Variants in PCLO observed in about 807,000 individuals in gnomAD.
The protein encoded by PCLO is piccolo presynaptic cytomatrix protein, also known as protein piccolo.
Under a neutral mutation model 427.5 loss-of-function variants are expected in PCLO, and 82 were observed. The observed-to-expected ratio is 0.19, with a 90% CI of 0.16 to 0.23. PCLO has a LOEUF of 0.23. Ranked by LOEUF, PCLO falls within the 10% of genes least tolerant of loss-of-function variation. The pLI is 1.00. For synonymous variants in PCLO, 2,357 were observed against 2,155.4 expected (o/e 1.09, Z -2.59); for missense variants, 6,239 against 6,115.9 (o/e 1.02, Z -0.67).
At position 82,975,497 on chromosome 7, in the gene PCLO, T is replaced by C. The variant is rs191911844; in HGVS notation, c.3301-9010A>G. Among the ~76,000 whole-genome samples the C allele has an allele frequency of 7.0e-3, 1,058 of 152,204 alleles. 9 individuals carry two copies. The highest frequency in any genetic ancestry group is 0.011 in the Non-Finnish European group (779 of 68,008). ...CTAGATAATGCAGAATGGATACTGGTGGTGGGAGAGATTGGTTAGGTGTTA... is the reference window on the plus strand; with the variant it reads ...CTAGATAATGCAGAATGGATACTGGCGGTGGGAGAGATTGGTTAGGTGTTA... On this transcript the variant is annotated intron_variant, in intron 3 of 24. Transcript: ENST00000333891.
chr7:83,103,245 G>A lies in PCLO; in HGVS notation c.3300+31005C>T, dbSNP rs576466958. Among the ~76,000 whole-genome samples the A allele has an allele frequency of 1.7e-3, 255 of 151,886 alleles. 1 individual carries two copies. The highest frequency in any genetic ancestry group is 2.9e-3 in the Non-Finnish European group (195 of 67,810). On this transcript the variant is annotated intron_variant, in intron 3 of 24. Coordinates refer to ENST00000333891, the MANE Select transcript of PCLO (RefSeq NM_033026.6). The stretch of plus-strand genomic sequence containing the variant: ...CTCCAATCTATTTTTAACTTAGCTC[G>A]CAATTAACTACAAAACTGGTAGGAA...
rs200690635 is a variant in PCLO, at chr7:83,098,259, G to C, written c.3300+35991C>G. On this transcript the variant is annotated intron_variant, in intron 3 of 24. Coordinates refer to ENST00000333891, the MANE Select transcript of PCLO (RefSeq NM_033026.6). ...ATCACTAATACTAATAAAATTTTGA[G>C]AAGAAATGCTCTACTTACAGTAAAC... 1.5e-4 allele frequency among the ~76,000 whole-genome samples: 23 copies of C among 152,016 alleles called. No homozygotes were observed. The East Asian group carries it at 4.5e-3, about 30-fold the overall frequency.
rs114831531 is a variant in PCLO, at chr7:83,141,441, C to G, written c.1894-5785G>C. Among the ~76,000 whole-genome samples the G allele has an allele frequency of 5.7e-3, 864 of 152,272 alleles. 12 individuals carry two copies. Among genetic ancestry groups the G allele is most frequent in the African/African-American group, 0.02 (820 of 41,556 alleles). On this transcript the variant is annotated intron_variant, in intron 2 of 24. Transcript: ENST00000333891. ...TGTGAAGATACAACTGTTTAGTGAG[C>G]TACTTAAACTCAATTATCTCTATGG...
At chr7:82,880,238 C>A (rs1420444785) in intron 9 of PCLO, among the ~76,000 whole-genome samples, 1 of 152,122 alleles carries the variant, frequency 6.6e-6, no homozygotes, top group Non-Finnish European at 1.5e-5. Context: ...AGTGAATGTA[C>A]TGTACTGTAA....
At chr7:82,909,857 T>C (rs1004770574) in intron 7 of PCLO, among the ~76,000 whole-genome samples, 3 of 152,118 alleles carry the variant, frequency 2.0e-5, no homozygotes, top group African/African-American at 4.8e-5. Context: ...GGTTGCCTGC[T>C]TTTTATACTC....
intron 10 of PCLO, among the ~76,000 whole-genome samples, chr7:82,853,339 A>G (rs1475546578): frequency 1.3e-5 from 2 of 152,102 alleles, no homozygotes; most frequent in Non-Finnish European, 2.9e-5. Flanking sequence ...ATCCTATTCT[A>G]TGGGTACCCT....
At chr7:82,833,643 T>C (rs977947110) in intron 16 of PCLO, among the ~76,000 whole-genome samples, 1 of 152,166 alleles carries the variant, frequency 6.6e-6, no homozygotes, top group Non-Finnish European at 1.5e-5. Flanking sequence ...ATTTTCTATA[T>C]AGTATTTTAA....
intron 10 of PCLO, among the ~76,000 whole-genome samples, chr7:82,874,308 G>A (rs139831947): frequency 3.7e-4 from 56 of 152,170 alleles, no homozygotes; most frequent in Middle Eastern, 6.8e-3. Flanking sequence ...AAGTGGTAAG[G>A]AACACAGTGC....
At chr7:82,968,609 G>A (rs10235416) in intron 3 of PCLO, among the ~76,000 whole-genome samples, 9,237 of 144,326 alleles carry the variant, frequency 0.064, 932 homozygotes, top group African/African-American at 0.22. Context: ...AATCTCTGCC[G>A]CCCGGGTTCA....
At chr7:82,964,173 C>T (rs916598757) in intron 4 of PCLO, among the ~76,000 whole-genome samples, 3 of 151,338 alleles carry the variant, frequency 2.0e-5, no homozygotes, top group Non-Finnish European at 4.4e-5. Flanking sequence ...TAAGGTAGTG[C>T]CCTGAGGAAC....
chr7:82,794,466 T>TTTTTTTTTTTTTTTTTG (rs1791181135), intron 22 of PCLO, among the ~76,000 whole-genome samples: 2 of 72,580 alleles, frequency 2.8e-5, no homozygotes, highest in African/African-American at 1.5e-4. Flanking sequence ...TTTCTTTTTT[T>TTTTTTTTTTTTTTTTTG]TTTTTTTTTT....
intron 3 of PCLO, among the ~76,000 whole-genome samples, chr7:82,984,418 G>GTGTATT (rs199717615): frequency 2.0e-5 from 3 of 150,330 alleles, no homozygotes; most frequent in African/African-American, 7.3e-5. Context: ...CTGTGTGTGT[G>GTGTATT]TGTGTGTGTG....
chr7:82,997,630 T>C (rs1280737827), intron 3 of PCLO, among the ~76,000 whole-genome samples: 2 of 151,996 alleles, frequency 1.3e-5, no homozygotes, highest in Admixed American at 6.6e-5. Context: ...AAGACAAGTT[T>C]ATAAAGATCA....
At chr7:82,945,976 G>A (rs1045746232) in intron 6 of PCLO, among the ~76,000 whole-genome samples, 1 of 152,160 alleles carries the variant, frequency 6.6e-6, no homozygotes, top group Non-Finnish European at 1.5e-5. Flanking sequence ...GAAATATAGA[G>A]TCAGGGCACG....
At chr7:83,128,755 T>G (rs1029978240) in intron 3 of PCLO, among the ~76,000 whole-genome samples, 3 of 152,236 alleles carry the variant, frequency 2.0e-5, no homozygotes, top group South Asian at 2.1e-4. Flanking sequence ...AACAACTATG[T>G]TTTACACACT....
intron 22 of PCLO, among the ~76,000 whole-genome samples, chr7:82,792,951 G>T (rs553395225): frequency 6.6e-6 from 1 of 150,732 alleles, no homozygotes; most frequent in Non-Finnish European, 1.5e-5. Context: ...AGAAAATTTG[G>T]TTCTTATATG....
In PCLO at chr7:83,052,070, A is replaced by G. The variant is rs181105898; in HGVS notation, c.3300+82180T>C. 9.1e-3 allele frequency among the ~76,000 whole-genome samples: 1,378 copies of G among 152,172 alleles called. 27 individuals are homozygous for G. Among genetic ancestry groups the G allele is most frequent in the African/African-American group, 0.031 (1,303 of 41,532 alleles). On this transcript the variant is annotated intron_variant, in intron 3 of 24. Coordinates refer to ENST00000333891, the MANE Select transcript of PCLO (RefSeq NM_033026.6). ...ATCAAAGACCTAAAAGTAAAATGTA[A>G]AATGATAAAACTCCTAGGAGATAAT...
chr7:83,074,129 T>A (rs2116367531), intron 3 of PCLO, among the ~76,000 whole-genome samples: 1 of 152,152 alleles, frequency 6.6e-6, no homozygotes, highest in East Asian at 1.9e-4. Flanking sequence ...GACAACTCAT[T>A]ATTAAAATAA....
intron 22 of PCLO, among the ~76,000 whole-genome samples, chr7:82,784,383 T>C (rs12672552): frequency 0.075 from 11,447 of 152,222 alleles, 551 homozygotes; most frequent in East Asian, 0.14. Flanking sequence ...TCTCCCTCAT[T>C]TTCTTCAGTG....
Sources: gnomAD v4.1 joint callset for allele counts (sites outside exome capture counted in the v4.1 genomes callset) on GRCh38, gnomAD v4.1.1 for gene constraint, MANE v1.5 for transcripts, NCBI Gene and HGNC (gene_info 2026-07-23, HGNC 2026-07-21) for gene names.